The following CSTPP1 variants were observed in gnomAD, a reference collection of about 807,000 sequenced individuals.
CSTPP1 encodes UPF0705 protein C11orf49.
At chr11:47,012,762 A>T in the CSTPP1 span, among the ~76,000 whole-genome samples, 1 of 152,092 alleles carries the variant, frequency 6.6e-6, no homozygotes, top group African/African-American at 2.4e-5. Flanking sequence ...ATAAATCAGG[A>T]TTCATAATCT....
At chr11:47,034,636 G>A in the CSTPP1 span, among the ~76,000 whole-genome samples, 1 of 151,940 alleles carries the variant, frequency 6.6e-6, no homozygotes, top group Non-Finnish European at 1.5e-5. Flanking sequence ...TAGTAGCTGG[G>A]ACTACAGGCT....
the CSTPP1 span, among the ~76,000 whole-genome samples, chr11:47,079,554 T>C: frequency 2.0e-5 from 3 of 152,200 alleles, no homozygotes; most frequent in Non-Finnish European, 4.4e-5. Context: ...TGTAGAAATG[T>C]AGTAGTACAG....
the CSTPP1 span, among the ~76,000 whole-genome samples, chr11:47,125,123 T>C: frequency 6.6e-6 from 1 of 152,198 alleles, no homozygotes; most frequent in Non-Finnish European, 1.5e-5. Context: ...CATATAATTA[T>C]AGATAGGGTA....
chr11:47,030,122 G>A, the CSTPP1 span, among the ~76,000 whole-genome samples: 1 of 151,926 alleles, frequency 6.6e-6, no homozygotes, highest in Non-Finnish European at 1.5e-5. Context: ...ATAAGACCCT[G>A]CCTCAAAACA....
the CSTPP1 span, among the ~76,000 whole-genome samples, chr11:47,105,905 G>T: frequency 6.6e-6 from 1 of 152,212 alleles, no homozygotes; most frequent in Non-Finnish European, 1.5e-5. Context: ...GAAGGCTTTA[G>T]AATTAATTTT....
the CSTPP1 span, among the ~76,000 whole-genome samples, chr11:47,150,391 C>T: frequency 3.3e-5 from 5 of 152,158 alleles, no homozygotes; most frequent in Non-Finnish European, 7.3e-5. Context: ...ATTCAACAGA[C>T]GTTGACTGAG....
At chr11:47,098,537 G>A in the CSTPP1 span, among the ~76,000 whole-genome samples, 2 of 148,086 alleles carry the variant, frequency 1.4e-5, no homozygotes, top group Admixed American at 6.8e-5. Flanking sequence ...ATGGAGTTTC[G>A]CTCTGTTGCC....
chr11:47,026,623 A>G, the CSTPP1 span, among the ~76,000 whole-genome samples: 1 of 152,190 alleles, frequency 6.6e-6, no homozygotes, highest in African/African-American at 2.4e-5. Context: ...CATGCCTGTA[A>G]TCCCAGCTCT....
chr11:47,006,726 C>G, the CSTPP1 span, among the ~76,000 whole-genome samples: 1 of 150,762 alleles, frequency 6.6e-6, no homozygotes, highest in African/African-American at 2.4e-5. Context: ...GTGGCTGGGA[C>G]CACAGTTGCA....
the CSTPP1 span, among the ~76,000 whole-genome samples, chr11:47,093,603 T>G: frequency 1.3e-5 from 2 of 152,154 alleles, no homozygotes; most frequent in African/African-American, 4.8e-5. Flanking sequence ...AGCGTAATGG[T>G]CAAGAGCAGT....
chr11:46,978,508 T>C, the CSTPP1 span, among the ~76,000 whole-genome samples: 1 of 152,248 alleles, frequency 6.6e-6, no homozygotes, highest in African/African-American at 2.4e-5. Flanking sequence ...ATTTAGATGA[T>C]ATGTTAAGTG....
chr11:47,146,912 G>A, the CSTPP1 span, among the ~76,000 whole-genome samples: 2 of 152,138 alleles, frequency 1.3e-5, no homozygotes, highest in African/African-American at 4.8e-5. Context: ...ATGACACAGA[G>A]TTTGAGAAAA....
chr11:47,000,091 G>T, the CSTPP1 span, among the ~76,000 whole-genome samples: 1 of 152,112 alleles, frequency 6.6e-6, no homozygotes, highest in African/African-American at 2.4e-5. Flanking sequence ...ACCTCTGAAT[G>T]TTGTCCTTCA....
chr11:47,144,235 C>T, the CSTPP1 span, among the ~76,000 whole-genome samples: 1 of 152,182 alleles, frequency 6.6e-6, no homozygotes, highest in Admixed American at 6.6e-5. Flanking sequence ...GTTGCCCAGG[C>T]TGGAGTGCAG....
the CSTPP1 span, among the ~76,000 whole-genome samples, chr11:47,013,235 ATTG>A: frequency 6.8e-6 from 1 of 147,714 alleles, no homozygotes; most frequent in South Asian, 2.1e-4. Context: ...TTATTTATTT[ATTG>A]TTGTTGTTTT....
chr11:47,159,581 C>T, the CSTPP1 span: 1 of 456,000 alleles, frequency 2.2e-6, no homozygotes, highest in Non-Finnish European at 4.4e-6. Flanking sequence ...GGGATCTGCC[C>T]TGGTGTTCTT....
At chr11:47,161,872 C>A in the CSTPP1 span, 1 of 1,323,180 alleles carries the variant, frequency 7.6e-7, no homozygotes, top group Admixed American at 3.5e-5. Context: ...ACTTAGGCCC[C>A]AAGCTGACAG....
the CSTPP1 span, among the ~76,000 whole-genome samples, chr11:47,101,919 A>C: frequency 6.6e-6 from 1 of 152,224 alleles, no homozygotes; most frequent in East Asian, 1.9e-4. Context: ...AAGAAACATC[A>C]GTGCCAATGA....
At chr11:46,940,649 A>T in the CSTPP1 span, among the ~76,000 whole-genome samples, 1 of 152,216 alleles carries the variant, frequency 6.6e-6, no homozygotes, top group Non-Finnish European at 1.5e-5. Context: ...ATATATACAC[A>T]TATATACATG....
Sources: allele counts gnomAD v4.1 joint callset (sites outside exome capture counted in the v4.1 genomes callset), GRCh38; gene constraint gnomAD v4.1.1; transcripts MANE v1.5; gene names NCBI Gene and HGNC (gene_info 2026-07-23, HGNC 2026-07-21).